The following PITRM1 variants were observed in gnomAD, a reference collection of about 807,000 sequenced individuals.
The protein encoded by PITRM1 is presequence protease, mitochondrial.
In PITRM1, 100 loss-of-function variants were observed where a neutral mutation model predicts 129.9. That is an observed-to-expected ratio of 0.77 (90% CI 0.65 to 0.91). The LOEUF (loss-of-function observed/expected upper bound fraction) is 0.91, where lower values mean the gene tolerates loss of function less well. PITRM1 is among the 40% of genes least tolerant of loss of function. The pLI, the probability that PITRM1 is intolerant of heterozygous loss-of-function variation, is 0.00. For synonymous variants in PITRM1, 591 were observed against 508.8 expected, an observed-to-expected ratio of 1.16 and a Z score of -2.17; for missense variants, 1,471 against 1,318.3, an observed-to-expected ratio of 1.12 and a Z score of -1.79.
At chr10:3,150,147 G>T (rs1254502964) in intron 15 of PITRM1, among the ~76,000 whole-genome samples, 1 of 151,918 alleles carries the variant, frequency 6.6e-6, no homozygotes, top group African/African-American at 2.4e-5. Context: ...CCCCACAACA[G>T]AAGGCTGCCC....
intron 1 of PITRM1, among the ~76,000 whole-genome samples, chr10:3,171,540 TTCAAGCAA>T (rs1388994368): frequency 6.6e-6 from 1 of 151,974 alleles, no homozygotes; most frequent in Non-Finnish European, 1.5e-5. Context: ...ACCTCCCGGG[TTCAAGCAA>T]TTCTGTCTCA....
chr10:3,154,885 C>T (rs1203068347), intron 14 of PITRM1, among the ~76,000 whole-genome samples: 1 of 152,128 alleles, frequency 6.6e-6, no homozygotes, highest in African/African-American at 2.4e-5. Context: ...TTTCTTTTCA[C>T]TCCCACCATC....
intron 22 of PITRM1, 89 bp downstream of exon 22, chr10:3,144,203 G>A (rs1840592174): frequency 1.3e-6 from 1 of 747,008 alleles, no homozygotes; most frequent in Non-Finnish European, 2.3e-6. Context: ...CAGACAGGCG[G>A]ACGGAGGAAC....
intron 2 of PITRM1, among the ~76,000 whole-genome samples, chr10:3,168,599 T>C (rs1843075620): frequency 1.4e-5 from 2 of 147,124 alleles, no homozygotes; most frequent in Non-Finnish European, 3.0e-5. Flanking sequence ...GTTTCCTCCA[T>C]GTTATTCTCG....
At chr10:3,152,605 T>C (rs1841614449) in intron 14 of PITRM1, among the ~76,000 whole-genome samples, 2 of 152,244 alleles carry the variant, frequency 1.3e-5, no homozygotes, top group East Asian at 3.9e-4. Context: ...CCCAGCAGCA[T>C]GTGGAGCCCA....
chr10:3,154,556 T>G (rs1841806152), intron 14 of PITRM1, among the ~76,000 whole-genome samples: 1 of 152,216 alleles, frequency 6.6e-6, no homozygotes, highest in African/African-American at 2.4e-5. Context: ...ATAATTATGA[T>G]ACATTTCCCT....
intron 2 of PITRM1, among the ~76,000 whole-genome samples, chr10:3,169,875 A>C (rs1311986959): frequency 6.6e-6 from 1 of 152,202 alleles, no homozygotes; most frequent in African/African-American, 2.4e-5. Flanking sequence ...GTTACTCTCT[A>C]AAATCTCACA....
chr10:3,146,102 G>T (rs1366525074), intron 20 of PITRM1: 4 of 186,066 alleles, frequency 2.1e-5, no homozygotes, highest in East Asian at 1.5e-4. Flanking sequence ...AATGTGAACT[G>T]GTTGTTAAAG....
intron 1 of PITRM1, among the ~76,000 whole-genome samples, chr10:3,171,798 G>A (rs374398697): frequency 6.6e-6 from 1 of 152,140 alleles, no homozygotes; most frequent in Admixed American, 6.5e-5. Flanking sequence ...CCCGCAATGC[G>A]AGAGGCTGAG....
intron 20 of PITRM1, chr10:3,146,868 A>G (rs1376023043): frequency 2.2e-5 from 5 of 225,384 alleles, no homozygotes; most frequent in Non-Finnish European, 4.3e-5. Flanking sequence ...ACCTTTACAG[A>G]TACCTCAGTT....
Position 3,165,397 on chromosome 10 carries a change from A to G in PITRM1, c.533+16T>C, listed in dbSNP as rs781539330. 1 of 1,607,980 alleles carries G rather than the reference A, an allele frequency of 6.2e-7. No homozygotes were observed. Among genetic ancestry groups the G allele is most frequent in the Non-Finnish European group, 8.5e-7 (1 of 1,176,112 alleles). On this transcript the variant is annotated intron_variant, in intron 5 of 26. Transcript: ENST00000224949. Reference sequence around the variant, plus strand: ...TACTAAAGTCTGTATCAACTAGTTAATCATTCATGACATACCAGAAATCCA... The same window carrying G: ...TACTAAAGTCTGTATCAACTAGTTAGTCATTCATGACATACCAGAAATCCA...
intron 25 of PITRM1, 67 bp from the exon 26 acceptor site, chr10:3,138,404 A>G (rs1231074182): frequency 3.6e-5 from 38 of 1,054,880 alleles, no homozygotes; most frequent in Non-Finnish European, 5.2e-5. Context: ...CTGTGCACTC[A>G]TGTCCCGGAG....
In PITRM1 at chr10:3,138,328, T is replaced by C; in HGVS notation, c.2927A>G (p.His976Arg). 6.2e-7 allele frequency: 1 copy of C among 1,612,426 alleles called. No homozygotes were observed. The highest frequency in any genetic ancestry group is 2.2e-5 in the East Asian group (1 of 44,882). The change falls in exon 26 of 27, where the codon CAC becomes CGC. Residue 976 changes from histidine (H) to arginine (R), a missense_variant. His to Arg is a conservative substitution (Grantham distance 29). Coordinates refer to ENST00000224949, the MANE Select transcript of PITRM1 (RefSeq NM_014889.4). Reference protein sequence around the residue: ...PVAPSDKGMDHFLYGLSDEMK... With the variant: ...PVAPSDKGMDRFLYGLSDEMK... ...CTCATCCGAGAGGCCGTACAAGAAG[T>C]GGTCCATTCCTAGAAGACAATCCAC... is the stretch of plus-strand genomic sequence containing the variant.
rs772348845 is a variant in PITRM1 at position 3,163,811 on chromosome 10, G to A, written c.705C>T (p.Ser235=). 35 of 1,612,788 alleles carry A rather than the reference G, an allele frequency of 2.2e-5. No homozygotes were observed. The highest frequency in any genetic ancestry group is 2.0e-4 in the African/African-American group (15 of 74,894). ...LLPDHTYSVV[S]GGDPLCIPEL... is the part of the protein sequence containing the mutation. The stretch of plus-strand genomic sequence containing the variant: ...CCGGGATGCACAGTGGGTCACCCCC[G>A]GAGACCACTGAGTACGTGTGGTCAG... Residue 235 remains serine (S), a synonymous_variant, in exon 7 of 27, where the codon TCC becomes TCT. Coordinates refer to ENST00000224949, the MANE Select transcript of PITRM1 (RefSeq NM_014889.4).
chr10:3,159,015 T>C lies in PITRM1; in HGVS notation c.1035A>G (p.Thr345=), dbSNP rs762130987. 3 of 1,613,092 alleles carry C rather than the reference T, an allele frequency of 1.9e-6. No individual in the cohort carries two copies. Among genetic ancestry groups the C allele is most frequent in the South Asian group, 1.1e-5 (1 of 91,018 alleles). Residue 345 remains threonine, a synonymous_variant, in exon 10 of 27, where the codon ACA becomes ACG. Coordinates refer to ENST00000224949, the MANE Select transcript of PITRM1 (RefSeq NM_014889.4). The part of the protein sequence containing the change: ...PDITDTFEAF[T]LSLLSSLLTS... ...TCAAGAGTGAAGACAGAAGACTTAA[T>C]GTGAAGGCTTCAAATGTGTCGGTGA... is the stretch of plus-strand genomic sequence containing the variant.
chr10:3,150,413 C>T (rs1451508704), intron 15 of PITRM1, among the ~76,000 whole-genome samples: 1 of 152,212 alleles, frequency 6.6e-6, no homozygotes, highest in African/African-American at 2.4e-5. Flanking sequence ...CACACACACA[C>T]ACACATGAAA....
chr10:3,142,904 T>G (rs1278627486), intron 23 of PITRM1: 2 of 154,952 alleles, frequency 1.3e-5, no homozygotes, highest in African/African-American at 2.5e-5. Flanking sequence ...CCACCCAGAG[T>G]CTGGCTCACG....
Position 3,149,638 on chromosome 10 carries a change from G to T in PITRM1, c.1854C>A (p.Phe618Leu). Residue 618 changes from phenylalanine (F) to leucine (L), a missense_variant, in exon 16 of 27, where the codon TTC (phenylalanine) becomes TTA (leucine). Coordinates refer to ENST00000224949, the MANE Select transcript of PITRM1 (RefSeq NM_014889.4). The stretch of plus-strand genomic sequence containing the variant: ...ACTCGTACTTGGTGAGGACGCTGCA[G>T]AAGAGGGGCACATAGGGCCTCAGCT... Reference protein sequence around the residue: ...PEELRPYVPLFCSVLTKLGCG... With the variant: ...PEELRPYVPLLCSVLTKLGCG... 6.3e-7 allele frequency: 1 copy of T among 1,580,096 alleles called. No homozygotes were observed. The highest frequency in any genetic ancestry group is 8.6e-7 in the Non-Finnish European group (1 of 1,166,188).
In PITRM1 at chr10:3,149,673, G is replaced by T; in HGVS notation, c.1819C>A (p.Leu607Ile). The T allele has an allele frequency of 6.2e-7, 1 of 1,606,372 alleles. No homozygotes were observed. Among genetic ancestry groups the T allele is most frequent in the Non-Finnish European group, 8.5e-7 (1 of 1,177,262 alleles). ...YFRAFSSLNT[L>I]PEELRPYVPL... ...ACATAGGGCCTCAGCTCCTCGGGGA[G>T]TGTGTTCAGGCTGGAGAAGGCCCGG... The change falls in exon 16 of 27, where the codon CTC (leucine) becomes ATC (isoleucine). Residue 607 changes from leucine (L) to isoleucine (I), a missense_variant. Physicochemically the swap from Leu to Ile is conservative, Grantham distance 5. Coordinates refer to ENST00000224949, the MANE Select transcript of PITRM1 (RefSeq NM_014889.4).
Sources: gnomAD v4.1 joint callset for allele counts (sites outside exome capture counted in the v4.1 genomes callset) on GRCh38, gnomAD v4.1.1 for gene constraint, MANE v1.5 for transcripts, NCBI Gene and HGNC (gene_info 2026-07-23, HGNC 2026-07-21) for gene names.